RYR3: variants seen among roughly 807,000 people sequenced by gnomAD.
The protein encoded by RYR3 is ryanodine receptor 3, also known as brain ryanodine receptor-calcium release channel.
In RYR3, 207 loss-of-function variants were observed where a neutral mutation model predicts 584.3. The ratio of observed to expected loss-of-function variants is 0.35; its 90% CI spans 0.32 to 0.40. The LOEUF (loss-of-function observed/expected upper bound fraction) is 0.40, where lower values mean the gene tolerates loss of function less well. Among genes scored for constraint, RYR3 ranks in the 10% least tolerant of loss-of-function variants. The pLI, the probability that RYR3 is intolerant of heterozygous loss-of-function variation, is 1.00. For missense variants in RYR3, 5,616 were observed against 6,089.2 expected, an observed-to-expected ratio of 0.92 and a Z score of 2.59; for synonymous variants, 2,416 against 2,248.5, an observed-to-expected ratio of 1.07 and a Z score of -2.11.
chr15:33,708,104 CT>C (rs2066847379), intron 43 of RYR3, among the ~76,000 whole-genome samples: 1 of 152,188 alleles, frequency 6.6e-6, no homozygotes, highest in Non-Finnish European at 1.5e-5. Flanking sequence ...TTATCACCAG[CT>C]TTGCTAACCT....
At chr15:33,829,704 A>T (rs1330206042) in intron 85 of RYR3, among the ~76,000 whole-genome samples, 1 of 151,392 alleles carries the variant, frequency 6.6e-6, no homozygotes, top group African/African-American at 2.4e-5. Flanking sequence ...AGTGAGCCAG[A>T]TTGCGCCGCT....
intron 1 of RYR3, among the ~76,000 whole-genome samples, chr15:33,439,265 A>G (rs1346293398): frequency 6.6e-6 from 1 of 152,172 alleles, no homozygotes; most frequent in Non-Finnish European, 1.5e-5. Flanking sequence ...TAGTTTTCAT[A>G]TGACAGTCTT....
chr15:33,599,946 G>A (rs2059578841), intron 16 of RYR3, among the ~76,000 whole-genome samples: 1 of 152,072 alleles, frequency 6.6e-6, no homozygotes, highest in African/African-American at 2.4e-5. Flanking sequence ...CTTTCCCTCT[G>A]GCTGTGACAG....
chr15:33,840,406 C>T (rs913722452), intron 89 of RYR3, among the ~76,000 whole-genome samples: 1 of 152,248 alleles, frequency 6.6e-6, no homozygotes, highest in South Asian at 2.1e-4. Flanking sequence ...TGCAGTGGTC[C>T]TCAGCCAGAG....
At chr15:33,392,535 T>A (rs2042068649) in intron 1 of RYR3, among the ~76,000 whole-genome samples, 1 of 151,926 alleles carries the variant, frequency 6.6e-6, no homozygotes, top group African/African-American at 2.4e-5. Context: ...GCCTCAGAGT[T>A]GTTCTAACTG....
intron 10 of RYR3, among the ~76,000 whole-genome samples, chr15:33,552,013 C>T (rs954707018): frequency 2.0e-5 from 3 of 152,168 alleles, no homozygotes; most frequent in Non-Finnish European, 4.4e-5. Context: ...CCTAAGAATG[C>T]CAGTTTGGCC....
chr15:33,724,505 A>G (rs563399169), intron 45 of RYR3, among the ~76,000 whole-genome samples: 77 of 152,272 alleles, frequency 5.1e-4, no homozygotes, highest in African/African-American at 1.9e-3. Flanking sequence ...GATCATGGCC[A>G]TCAGGATGCT....
At chr15:33,854,718 A>T in intron 97 of RYR3, 48 bp from the exon 98 acceptor site, 1 of 1,559,490 alleles carries the variant, frequency 6.4e-7, no homozygotes, top group Non-Finnish European at 8.6e-7. Flanking sequence ...TATAATGAGC[A>T]CACTATGAGG....
chr15:33,447,433 C>T (rs1394189198), intron 1 of RYR3, among the ~76,000 whole-genome samples: 1 of 152,126 alleles, frequency 6.6e-6, no homozygotes, highest in Non-Finnish European at 1.5e-5. Context: ...AAAGGACTTC[C>T]TTCCCCACCC....
rs181330797 is a variant in RYR3, at chr15:33,748,782, G to A, written c.8199+252G>A. Among the ~76,000 whole-genome samples, 19 of 152,166 alleles carry A rather than the reference G, an allele frequency of 1.2e-4. No individual in the cohort carries two copies. The East Asian group carries it at 1.7e-3, about 14-fold the overall frequency. ...TGACTCAGTAGGAAGCACCACCAGC[G>A]CACTAGAGTCATTCCTCAGCATCCA... On this transcript the variant is annotated intron_variant, in intron 55 of 103. Coordinates refer to ENST00000634891, the MANE Select transcript of RYR3 (RefSeq NM_001036.6).
At chr15:33,545,206 A>G (rs891849870) in intron 8 of RYR3, among the ~76,000 whole-genome samples, 1 of 152,158 alleles carries the variant, frequency 6.6e-6, no homozygotes, top group Admixed American at 6.5e-5. Context: ...GCCCCCACCC[A>G]CATGCACACA....
At chr15:33,586,260 C>T (rs188093632) in intron 16 of RYR3, 144 bp downstream of exon 16, 36 of 640,562 alleles carry the variant, frequency 5.6e-5, no homozygotes, top group Admixed American at 5.3e-4. Context: ...AGACTTTCCC[C>T]GCATACAAGC....
intron 1 of RYR3, among the ~76,000 whole-genome samples, chr15:33,451,828 C>T (rs1463424533): frequency 1.3e-5 from 2 of 152,180 alleles, no homozygotes; most frequent in African/African-American, 2.4e-5. Context: ...TCTTTGACTT[C>T]GTCATTATTA....
intron 10 of RYR3, 142 bp from the exon 11 acceptor site, chr15:33,562,695 C>T: frequency 1.7e-6 from 1 of 595,728 alleles, no homozygotes; most frequent in East Asian, 3.0e-5. Flanking sequence ...TTTCTGAAAT[C>T]CTGGCTTGGA....
rs186964940 is a variant in RYR3, at chr15:33,816,326, C to T, written c.10503-536C>T. 6.9e-4 allele frequency among the ~76,000 whole-genome samples: 105 copies of T among 152,294 alleles called. 1 individual carries two copies. In the South Asian group the frequency reaches 0.013, roughly 19 times the overall value. On this transcript the variant is annotated intron_variant, in intron 74 of 103. Transcript: ENST00000634891. ...ATGCGGCACACAGAAAATATGCCAA[C>T]GACGTAACGTGCTTAAACCTTGTCG...
At chr15:33,329,674 C>T (rs1271263967) in intron 1 of RYR3, among the ~76,000 whole-genome samples, 1 of 152,156 alleles carries the variant, frequency 6.6e-6, no homozygotes, top group South Asian at 2.1e-4. Context: ...CTCAATACTC[C>T]TTAACATCAA....
intron 72 of RYR3, among the ~76,000 whole-genome samples, chr15:33,811,535 A>G (rs2076546110): frequency 6.6e-6 from 1 of 150,480 alleles, no homozygotes; most frequent in African/African-American, 2.4e-5. Context: ...GTACTGGTAC[A>G]TAAACTGCCC....
At position 33,694,710 on chromosome 15, in the gene RYR3, G is replaced by A. The variant is rs557338144; in HGVS notation, c.5861-1508G>A. On this transcript the variant is annotated intron_variant, in intron 38 of 103. Coordinates refer to ENST00000634891, the MANE Select transcript of RYR3 (RefSeq NM_001036.6). ...CCCTTAAATGACTTTGCCCCTAGAGGATACAGATATTATCTAACCTAACAG... is the reference window on the plus strand; with the variant it reads ...CCCTTAAATGACTTTGCCCCTAGAGAATACAGATATTATCTAACCTAACAG... 5.9e-5 allele frequency among the ~76,000 whole-genome samples: 9 copies of A among 152,278 alleles called. No homozygotes were observed. The South Asian group carries it at 1.9e-3, about 32-fold the overall frequency.
chr15:33,821,556 A>C lies in RYR3; in HGVS notation c.10949A>C (p.Lys3650Thr), dbSNP rs771498162. 6.2e-7 allele frequency: 1 copy of C among 1,613,996 alleles called. No homozygotes were observed. Among genetic ancestry groups the C allele is most frequent in the Admixed American group, 1.7e-5 (1 of 60,026 alleles). The change falls in exon 80 of 104, where the codon AAG (lysine) becomes ACG (threonine). Residue 3650 changes from lysine (K) to threonine (T), a missense_variant. By Grantham distance (78) the Lys-to-Thr change is moderately conservative (BLOSUM62 -1). Coordinates refer to ENST00000634891, the MANE Select transcript of RYR3 (RefSeq NM_001036.6). ...AGCCCCATGGTGGTTGAGACGCTGAAGCTGGGGATCGCCATTCTGAACGGA... is the reference window on the plus strand; with the variant it reads ...AGCCCCATGGTGGTTGAGACGCTGACGCTGGGGATCGCCATTCTGAACGGA... The part of the protein sequence containing the change: ...EMSPMVVETL[K>T]LGIAILNGGN...
Sources: gnomAD v4.1 joint callset for allele counts (sites outside exome capture counted in the v4.1 genomes callset) on GRCh38, gnomAD v4.1.1 for gene constraint, MANE v1.5 for transcripts, NCBI Gene and HGNC (gene_info 2026-07-23, HGNC 2026-07-21) for gene names.